The following WDR72 variants were observed in gnomAD, a reference collection of about 807,000 sequenced individuals.
WDR72 encodes the protein WD repeat domain 72.
In WDR72, 120 loss-of-function variants were observed where a neutral mutation model predicts 124.2. The ratio of observed to expected loss-of-function variants is 0.97; its 90% confidence interval spans 0.83 to 1.12. WDR72 has a LOEUF of 1.12. WDR72 is among the 50% of genes most tolerant of loss of function. The pLI is 0.00. For synonymous variants in WDR72, 452 were observed against 441.7 expected (o/e 1.02, Z -0.29); for missense variants, 1,387 against 1,278.8 (o/e 1.08, Z -1.29).
intron 2 of WDR72, among the ~76,000 whole-genome samples, chr15:53,727,327 T>C (rs958460220): frequency 1.3e-5 from 2 of 152,106 alleles, no homozygotes; most frequent in African/African-American, 4.8e-5. Flanking sequence ...ATCTATTATG[T>C]TTTTTCTGAA....
At chr15:53,690,329 T>A (rs1006576580) in intron 13 of WDR72, among the ~76,000 whole-genome samples, 7 of 152,204 alleles carry the variant, frequency 4.6e-5, no homozygotes, top group Non-Finnish European at 7.3e-5. Context: ...TTCAGTGGCA[T>A]TTAGTGCATT....
chr15:53,649,950 C>G (rs988785406), intron 14 of WDR72, among the ~76,000 whole-genome samples: 1 of 151,988 alleles, frequency 6.6e-6, no homozygotes, highest in Admixed American at 6.6e-5. Context: ...GGGTATTTAT[C>G]CAAAAGAATT....
Position 53,752,002 on chromosome 15 carries a change from T to C in WDR72, c.-13+7631A>G, listed in dbSNP as rs866569976. Among the ~76,000 whole-genome samples, 11 of 152,300 alleles carry C rather than the reference T, an allele frequency of 7.2e-5. No homozygotes were observed. In the South Asian group the frequency reaches 2.3e-3, roughly 32 times the overall value. On this transcript the variant is annotated intron_variant, in intron 1 of 19. Transcript: ENST00000360509. Reference sequence around the variant, plus strand: ...CTCTATTATCAGAAGGTTTTTCAAATCTCAAAATCTGTACATAAATCCTGC... The same window carrying C: ...CTCTATTATCAGAAGGTTTTTCAAACCTCAAAATCTGTACATAAATCCTGC...
At chr15:53,565,163 G>A (rs1283893332) in intron 18 of WDR72, among the ~76,000 whole-genome samples, 1 of 151,862 alleles carries the variant, frequency 6.6e-6, no homozygotes, top group Non-Finnish European at 1.5e-5. Context: ...TGGGGAAAGT[G>A]TTCCCAGCAA....
intron 14 of WDR72, among the ~76,000 whole-genome samples, chr15:53,643,953 A>G (rs2014950321): frequency 6.6e-6 from 1 of 152,142 alleles, no homozygotes; most frequent in Non-Finnish European, 1.5e-5. Flanking sequence ...TAACATACAT[A>G]CTTTTTATAC....
chr15:53,717,813 G>A (rs1045740417), intron 3 of WDR72, among the ~76,000 whole-genome samples: 1 of 152,062 alleles, frequency 6.6e-6, no homozygotes, highest in Non-Finnish European at 1.5e-5. Flanking sequence ...AATATTCATA[G>A]CATTTTCCCT....
chr15:53,640,954 T>C (rs1282195909), intron 14 of WDR72, among the ~76,000 whole-genome samples: 1 of 152,020 alleles, frequency 6.6e-6, no homozygotes, highest in Non-Finnish European at 1.5e-5. Context: ...TAAGTTGACT[T>C]GTAAGTTTTT....
intron 18 of WDR72, among the ~76,000 whole-genome samples, chr15:53,554,438 G>A (rs1021307706): frequency 6.6e-6 from 1 of 152,104 alleles, no homozygotes; most frequent in Non-Finnish European, 1.5e-5. Flanking sequence ...GCCAAAGCTG[G>A]TTCAGTTGGT....
At chr15:53,594,640 A>C (rs2012678549) in intron 18 of WDR72, among the ~76,000 whole-genome samples, 1 of 147,318 alleles carries the variant, frequency 6.8e-6, no homozygotes, top group Admixed American at 6.6e-5. Flanking sequence ...AAAAAAAAAA[A>C]AACTAGCTTA....
chr15:53,613,119 A>G (rs2140363324), intron 16 of WDR72, among the ~76,000 whole-genome samples: 1 of 152,254 alleles, frequency 6.6e-6, no homozygotes, highest in African/African-American at 2.4e-5. Flanking sequence ...AGATGTCCCA[A>G]ACTTGGAAAA....
intron 1 of WDR72, among the ~76,000 whole-genome samples, chr15:53,753,072 C>T (rs1283823250): frequency 1.3e-5 from 2 of 152,162 alleles, no homozygotes; most frequent in Non-Finnish European, 2.9e-5. Flanking sequence ...GTTTCATTCC[C>T]ATGGCTGTCA....
intron 18 of WDR72, among the ~76,000 whole-genome samples, chr15:53,541,470 A>C (rs1250777050): frequency 6.6e-6 from 1 of 150,720 alleles, no homozygotes; most frequent in Non-Finnish European, 1.5e-5. Flanking sequence ...CAGAAAGGAC[A>C]TCCACAGCAA....
chr15:53,637,568 T>C (rs1261970732), intron 14 of WDR72, among the ~76,000 whole-genome samples: 2 of 152,200 alleles, frequency 1.3e-5, no homozygotes, highest in Non-Finnish European at 2.9e-5. Flanking sequence ...TCTTTTTTCC[T>C]TTCCTGTCTA....
chr15:53,675,329 G>C (rs1031620336), intron 13 of WDR72, among the ~76,000 whole-genome samples: 12 of 126,652 alleles, frequency 9.5e-5, no homozygotes, highest in Admixed American at 9.1e-4. Flanking sequence ...GAGACAGAGT[G>C]AGACTCTGTC....
intron 1 of WDR72, among the ~76,000 whole-genome samples, chr15:53,733,762 T>C (rs1354681561): frequency 1.3e-5 from 2 of 152,214 alleles, no homozygotes; most frequent in African/African-American, 4.8e-5. Flanking sequence ...TTTATGAAAT[T>C]ACTACATTCA....
chr15:53,753,412 A>G (rs1302978585), intron 1 of WDR72, among the ~76,000 whole-genome samples: 1 of 152,238 alleles, frequency 6.6e-6, no homozygotes, highest in Non-Finnish European at 1.5e-5. Flanking sequence ...CACCTTTTGC[A>G]CTAAAGGATT....
At chr15:53,586,653 A>C (rs998674567) in intron 18 of WDR72, among the ~76,000 whole-genome samples, 1 of 152,056 alleles carries the variant, frequency 6.6e-6, no homozygotes, top group African/African-American at 2.4e-5. Flanking sequence ...CTCTTCATTT[A>C]ATCAGCCAGC....
At chr15:53,525,886 T>C (rs1342159215) in intron 18 of WDR72, among the ~76,000 whole-genome samples, 1 of 152,112 alleles carries the variant, frequency 6.6e-6, no homozygotes, top group African/African-American at 2.4e-5. Context: ...AAATTTACTG[T>C]AGAAGAAATA....
chr15:53,735,723 T>C (rs561804842), intron 1 of WDR72, among the ~76,000 whole-genome samples: 1 of 152,078 alleles, frequency 6.6e-6, no homozygotes, highest in South Asian at 2.1e-4. Flanking sequence ...TTATAAAACA[T>C]TCAAGATAAA....
Sources: allele counts gnomAD v4.1 joint callset (sites outside exome capture counted in the v4.1 genomes callset), GRCh38; gene constraint gnomAD v4.1.1; transcripts MANE v1.5; gene names NCBI Gene and HGNC (gene_info 2026-07-23, HGNC 2026-07-21).